Variants in MBNL3 observed in about 807,000 individuals in gnomAD.
The protein encoded by MBNL3 is muscleblind-like protein 3.
In MBNL3, 6 loss-of-function variants were observed where a neutral mutation model predicts 24.5. The ratio of observed to expected loss-of-function variants is 0.25; its 90% confidence interval spans 0.13 to 0.48. The LOEUF (loss-of-function observed/expected upper bound fraction) is 0.48. MBNL3 is among the 20% of genes least tolerant of loss of function. The pLI is 0.99. For synonymous variants in MBNL3, 100 were observed against 101.7 expected, an observed-to-expected ratio of 0.98 and a Z score of 0.10; for missense variants, 230 against 293.5, an observed-to-expected ratio of 0.78 and a Z score of 1.58.
intron 2 of MBNL3, among the ~76,000 whole-genome samples, chrX:132,427,521 A>C (rs954566538): frequency 8.9e-6 from 1 of 112,087 alleles, no homozygotes; most frequent in African/African-American, 3.2e-5. Context: ...GAGTACATGA[A>C]GCTATTAAAA....
chrX:132,450,124 C>A (rs1946013353), intron 1 of MBNL3, among the ~76,000 whole-genome samples: 1 of 110,478 alleles, frequency 9.1e-6, no homozygotes, highest in Admixed American at 9.6e-5. Context: ...CTTGGAGAAT[C>A]TGACGGTTAT....
At chrX:132,399,919 C>G (rs1429729887) in intron 3 of MBNL3, among the ~76,000 whole-genome samples, 1 of 110,839 alleles carries the variant, frequency 9.0e-6, no homozygotes, top group Non-Finnish European at 1.9e-5. Context: ...TGACCACGAA[C>G]AGTGAAGCTC....
At chrX:132,390,269 A>C (rs868073219) in intron 5 of MBNL3, among the ~76,000 whole-genome samples, 2,479 of 87,952 alleles carry the variant, frequency 0.028, 25 homozygotes, top group Non-Finnish European at 0.047. Context: ...CAACAACAAA[A>C]AAAAAAAAAA....
chrX:132,391,110 A>G lies in MBNL3; in HGVS notation c.535-27T>C, dbSNP rs770456097. 165 of 1,095,270 alleles carry G rather than the reference A, an allele frequency of 1.5e-4. 1 individual carries two copies. In the South Asian group the frequency reaches 2.9e-3, roughly 19 times the overall value. The allele number at this position is 1,095,270 out of a possible 1,213,427, so 90.3% of individuals were successfully genotyped here. ...TTAGAACACACACATGCACATACAC[A>G]CGCATCACACTGATGACTGGAAGCT... On this transcript the variant is annotated intron_variant, in intron 4 of 8. Coordinates refer to ENST00000370853, the MANE Select transcript of MBNL3 (RefSeq NM_001386889.1).
chrX:132,483,411 T>C (rs1237322231), intron 1 of MBNL3, among the ~76,000 whole-genome samples: 1 of 112,025 alleles, frequency 8.9e-6, no homozygotes, highest in Non-Finnish European at 1.9e-5. Context: ...ACCTTAATAT[T>C]ATATATTGTG....
chrX:132,450,440 T>C (rs1946037782), intron 1 of MBNL3, among the ~76,000 whole-genome samples: 1 of 111,984 alleles, frequency 8.9e-6, no homozygotes, highest in South Asian at 3.7e-4. Flanking sequence ...TATCCTTTCT[T>C]CTGCCTGATC....
At chrX:132,425,579 T>C (rs1202243272) in intron 2 of MBNL3, among the ~76,000 whole-genome samples, 2 of 111,532 alleles carry the variant, frequency 1.8e-5, no homozygotes, top group Non-Finnish European at 3.8e-5. Flanking sequence ...TAAATATATA[T>C]ATTTTTGAAC....
At chrX:132,456,961 A>G (rs1946403363) in intron 1 of MBNL3, among the ~76,000 whole-genome samples, 2 of 112,031 alleles carry the variant, frequency 1.8e-5, no homozygotes, top group South Asian at 3.6e-4. Flanking sequence ...GCAGAAGGGA[A>G]GCATAAAAGC....
At chrX:132,446,207 TG>T (rs1459965717) in intron 1 of MBNL3, among the ~76,000 whole-genome samples, 2 of 112,177 alleles carry the variant, frequency 1.8e-5, no homozygotes, top group African/African-American at 6.5e-5. Context: ...GATGAGCATT[TG>T]GGTTGGTTCC....
intron 1 of MBNL3, among the ~76,000 whole-genome samples, chrX:132,470,684 T>C (rs1030704161): frequency 8.9e-6 from 1 of 111,783 alleles, no homozygotes; most frequent in Non-Finnish European, 1.9e-5. Context: ...TCTGTACAAA[T>C]GTATTATTAA....
chrX:132,421,211 A>ATTTTTTGTAAAATCAGTAC (rs1943785817), intron 2 of MBNL3, among the ~76,000 whole-genome samples: 1 of 112,400 alleles, frequency 8.9e-6, no homozygotes, highest in Admixed American at 9.4e-5. Flanking sequence ...TACAAAATGT[A>ATTTTTTGTAAAATCAGTAC]AAAAATATAT....
chrX:132,383,008 A>G (rs1935306482), intron 7 of MBNL3, among the ~76,000 whole-genome samples: 1 of 112,380 alleles, frequency 8.9e-6, no homozygotes, highest in East Asian at 2.8e-4. Flanking sequence ...GCAGCTGTGA[A>G]ATCTCTTGCA....
chrX:132,398,991 T>G (rs993498905), intron 3 of MBNL3, among the ~76,000 whole-genome samples: 4 of 111,706 alleles, frequency 3.6e-5, no homozygotes, highest in African/African-American at 1.3e-4. Context: ...AACGAATTCC[T>G]AGAGGGTAGA....
intron 1 of MBNL3, among the ~76,000 whole-genome samples, chrX:132,458,924 G>C (rs990722483): frequency 1.2e-4 from 13 of 107,323 alleles, no homozygotes; most frequent in African/African-American, 4.4e-4. Flanking sequence ...AAGCCTTCAT[G>C]GTTGAAATAT....
chrX:132,480,883 G>A (rs1336158550), intron 1 of MBNL3, among the ~76,000 whole-genome samples: 1 of 111,695 alleles, frequency 9.0e-6, no homozygotes, highest in Non-Finnish European at 1.9e-5. Flanking sequence ...CCACAAAGCT[G>A]CACGTGTGGT....
In MBNL3 at chrX:132,376,147, AG is replaced by A. The variant is rs1934122588; in HGVS notation, c.*3518del. ...GTGGTATAGGACAACACTTATGGCA[AG>A]ATCAAAGTGCTTCAGCATGTTCAAA... On this transcript the variant is annotated 3_prime_UTR_variant, in exon 9 of 9. Transcript: ENST00000370853. 1.8e-5 allele frequency: 2 copies of A among 111,083 alleles called. No homozygotes were observed. Among genetic ancestry groups the A allele is most frequent in the African/African-American group, 6.5e-5 (2 of 30,608 alleles). 9.2% of individuals were successfully genotyped at this position (111,083 alleles called of 1,213,427 possible).
intron 1 of MBNL3, among the ~76,000 whole-genome samples, chrX:132,480,822 A>G (rs1947689157): frequency 1.8e-5 from 2 of 111,579 alleles, no homozygotes; most frequent in African/African-American, 6.5e-5. Flanking sequence ...CTCAGCAATC[A>G]CTATTGTGTA....
chrX:132,440,370 A>G (rs182616304), intron 1 of MBNL3, among the ~76,000 whole-genome samples, 56 bp from the exon 2 acceptor site: 15 of 112,120 alleles, frequency 1.3e-4, no homozygotes, highest in African/African-American at 4.9e-4. Flanking sequence ...TCCGTTTCAA[A>G]CTCTAGATTT....
chrX:132,413,215 G>T (rs1461635202), intron 2 of MBNL3, among the ~76,000 whole-genome samples: 1 of 111,495 alleles, frequency 9.0e-6, no homozygotes, highest in Non-Finnish European at 1.9e-5. Context: ...TAGAAGCCAG[G>T]ACAAAGAGGG....
Sources: allele counts gnomAD v4.1 joint callset (sites outside exome capture counted in the v4.1 genomes callset), GRCh38; gene constraint gnomAD v4.1.1; transcripts MANE v1.5; gene names NCBI Gene and HGNC (gene_info 2026-07-23, HGNC 2026-07-21).